PCDH10: variants seen among roughly 807,000 people sequenced by gnomAD.
PCDH10 encodes protocadherin-10.
In PCDH10, 15 loss-of-function variants were observed where a neutral mutation model predicts 74.4. That is an observed-to-expected ratio of 0.20 (90% confidence interval 0.13 to 0.31). PCDH10 has a LOEUF of 0.31. Ranked by LOEUF, PCDH10 falls within the 10% of genes least tolerant of loss-of-function variation. The pLI, the probability that PCDH10 is intolerant of heterozygous loss-of-function variation, is 1.00. For synonymous variants in PCDH10, 619 were observed against 589.8 expected (o/e 1.05, Z -0.72); for missense variants, 1,260 against 1,390.2 (o/e 0.91, Z 1.49).
At chr4:133,195,191 T>C (rs1727770599), downstream of PCDH10, among the ~76,000 whole-genome samples, 1 of 152,122 alleles carries the variant, frequency 6.6e-6, no homozygotes, top group African/African-American at 2.4e-5. Context: ...TAAGTCTGAA[T>C]TAACTACAAG....
chr4:133,193,271 T>C lies in PCDH10; in HGVS notation c.*3111T>C, dbSNP rs1397441683. The C allele has an allele frequency of 6.6e-6, 1 of 151,720 alleles. No individual in the cohort carries two copies. Among genetic ancestry groups the C allele is most frequent in the Admixed American group, 6.6e-5 (1 of 15,198 alleles). The allele number at this position is 151,720 out of a possible 1,614,324, so 9.4% of individuals were successfully genotyped here. On this transcript the variant is annotated 3_prime_UTR_variant, in exon 5 of 5. Transcript: ENST00000264360. ...CACAGATATAATAGCGTCAATGATA[T>C]ATGTATCATCTTTTCTTGGCAAATA...
intron 4 of PCDH10, among the ~76,000 whole-genome samples, chr4:133,179,985 A>C (rs1461508154): frequency 6.6e-6 from 1 of 152,058 alleles, no homozygotes; most frequent in African/African-American, 2.4e-5. Flanking sequence ...CTAAAACCAC[A>C]AAAAATCTTA....
intron 4 of PCDH10, among the ~76,000 whole-genome samples, chr4:133,181,936 G>A (rs1727426859): frequency 6.6e-6 from 1 of 152,050 alleles, no homozygotes; most frequent in African/African-American, 2.4e-5. Context: ...AATCTGTTGG[G>A]TTGTGGTTAA....
At chr4:133,184,204 AC>A (rs1727479825) in intron 4 of PCDH10, among the ~76,000 whole-genome samples, 1 of 152,056 alleles carries the variant, frequency 6.6e-6, no homozygotes, top group Non-Finnish European at 1.5e-5. Flanking sequence ...CCTGTTTTCC[AC>A]CTATGTTCTA....
In PCDH10 at chr4:133,151,703, G is replaced by C. The variant is rs769667444; in HGVS notation, c.1563G>C (p.Glu521Asp). 1.2e-6 allele frequency: 2 copies of C among 1,613,250 alleles called. No homozygotes were observed. The highest frequency in any genetic ancestry group is 1.7e-6 in the Non-Finnish European group (2 of 1,180,060). ...TCACCTACGTTTCTATCAACTCTGA[G>C]AACGGCTACTTGTACGCCCTGCGCT... ...SVFTYVSINS[E>D]NGYLYALRSF... is the part of the protein sequence containing the mutation. Residue 521 changes from glutamate to aspartate, a missense_variant, in exon 1 of 5, where the codon GAG (glutamate) becomes GAC (aspartate). Coordinates refer to ENST00000264360, the MANE Select transcript of PCDH10 (RefSeq NM_032961.3).
At chr4:133,169,640 A>G (rs1422668730) in intron 4 of PCDH10, among the ~76,000 whole-genome samples, 4 of 151,918 alleles carry the variant, frequency 2.6e-5, no homozygotes, top group Admixed American at 2.6e-4. Context: ...TATAAATAGA[A>G]TTATTCAATG....
rs1387550174 is a variant in PCDH10, at chr4:133,152,858, G to T, written c.2631+87G>T. 3 of 1,559,762 alleles carry T rather than the reference G, an allele frequency of 1.9e-6. No individual in the cohort carries two copies. In the East Asian group the frequency reaches 6.8e-5, roughly 35 times the overall value. The stretch of plus-strand genomic sequence containing the variant: ...CCGGCCCTTGTATCTCTGGTGCACT[G>T]TATCTATTTTTAGGATATTAGCTTA... On this transcript the variant is annotated intron_variant, in intron 1 of 4. Coordinates refer to ENST00000264360, the MANE Select transcript of PCDH10 (RefSeq NM_032961.3).
In PCDH10 at chr4:133,152,434, G is replaced by C; in HGVS notation, c.2294G>C (p.Gly765Ala). The C allele has an allele frequency of 6.2e-7, 1 of 1,614,156 alleles. No individual in the cohort carries two copies. The highest frequency in any genetic ancestry group is 1.1e-5 in the South Asian group (1 of 91,082). Residue 765 changes from glycine to alanine, a missense_variant, in exon 1 of 5, where the codon GGC (glycine) becomes GCC (alanine). By Grantham distance (60) the Gly-to-Ala change is moderately conservative. Around this residue, in one of 11 missense-constraint regions of PCDH10, gnomAD observed 587 missense variants for 616.9 expected, o/e 0.95. Transcript: ENST00000264360. ...DCCLCCCCCG[G>A]GGSTCCGRQA... The stretch of plus-strand genomic sequence containing the variant: ...TGCCTCTGCTGCTGCTGCTGCGGTG[G>C]CGGAGGTTCGACCTGCTGTGGCCGC...
At chr4:133,208,310 T>G (rs1405159935) in exon 3 of PCDH10, 1 of 152,224 alleles carries the variant, frequency 6.6e-6, no homozygotes, top group Non-Finnish European at 1.5e-5. Context: ...ATTTGTGGTT[T>G]TATGTTGTGA....
downstream of PCDH10, among the ~76,000 whole-genome samples, chr4:133,198,520 C>T (rs190930820): frequency 1.3e-5 from 2 of 152,244 alleles, no homozygotes; most frequent in Admixed American, 1.3e-4. Context: ...TTGAATGCCT[C>T]CATAGATGCT....
intron 4 of PCDH10, among the ~76,000 whole-genome samples, chr4:133,181,330 A>T (rs1727411841): frequency 6.6e-6 from 1 of 151,980 alleles, no homozygotes; most frequent in African/African-American, 2.4e-5. Flanking sequence ...ATTTTAAATT[A>T]TTTTGATGGA....
chr4:133,164,030 A>G, intron 4 of PCDH10: 1 of 456,116 alleles, frequency 2.2e-6, no homozygotes, highest in Non-Finnish European at 4.4e-6. Flanking sequence ...ATGGTCTTTT[A>G]TTAGATGCAT....
intron 4 of PCDH10, among the ~76,000 whole-genome samples, chr4:133,165,047 T>A (rs551821073): frequency 6.8e-6 from 1 of 147,808 alleles, no homozygotes; most frequent in African/African-American, 2.5e-5. Context: ...CATTCCAACA[T>A]ATATTCATAT....
chr4:133,171,008 A>T, intron 4 of PCDH10, among the ~76,000 whole-genome samples: 1 of 150,606 alleles, frequency 6.6e-6, no homozygotes. Flanking sequence ...TTGATTGTTA[A>T]GTTTACAGTG....
chr4:133,154,109 A>G (rs951422627), intron 1 of PCDH10, among the ~76,000 whole-genome samples, 198 bp from the exon 2 acceptor site: 4 of 152,166 alleles, frequency 2.6e-5, no homozygotes, highest in Non-Finnish European at 5.9e-5. Flanking sequence ...ACAAGTGACT[A>G]AAATGTGGAT....
In PCDH10 at chr4:133,150,396, A is replaced by C. The variant is rs1726634369; in HGVS notation, c.256A>C (p.Lys86Gln). The change falls in exon 1 of 5, where the codon AAA (lysine) becomes CAA (glutamine). Residue 86 changes from lysine to glutamine, a missense_variant. This residue lies in a region of PCDH10 where 63 missense variants were observed against 100.7 expected (regional missense o/e 0.63). Transcript: ENST00000264360. ...GAAAATAGACCGCGAACAAATCTGCAAACAGAGCCCCTCCTGTGTCCTGCA... is the reference window on the plus strand; with the variant it reads ...GAAAATAGACCGCGAACAAATCTGCCAACAGAGCCCCTCCTGTGTCCTGCA... Reference protein sequence around the residue: ...NEKIDREQICKQSPSCVLHLE... With the variant: ...NEKIDREQICQQSPSCVLHLE... The C allele has an allele frequency of 2.5e-6, 4 of 1,614,020 alleles. No individual in the cohort carries two copies. Among genetic ancestry groups the C allele is most frequent in the African/African-American group, 1.3e-5 (1 of 75,012 alleles).
chr4:133,204,897 G>A (rs944027664), intron 2 of PCDH10, among the ~76,000 whole-genome samples: 1 of 152,182 alleles, frequency 6.6e-6, no homozygotes. Context: ...ATTCTGCACA[G>A]GACCACTTGG....
chr4:133,154,303 C>T lies in PCDH10; in HGVS notation c.2632-4C>T. 1 of 1,601,936 alleles carries T rather than the reference C, an allele frequency of 6.2e-7. No homozygotes were observed. Among genetic ancestry groups the T allele is most frequent in the Non-Finnish European group, 8.5e-7 (1 of 1,172,172 alleles). ...TGCTCTTGATTTATTTATTTTTTTCCTAGACTAAACACCAGCGAGCAGAGC... is the reference window on the plus strand; with the variant it reads ...TGCTCTTGATTTATTTATTTTTTTCTTAGACTAAACACCAGCGAGCAGAGC... On this transcript the variant is annotated splice_polypyrimidine_tract_variant and splice_region_variant and intron_variant, in intron 1 of 4. Transcript: ENST00000264360.
Position 133,186,941 on chromosome 4 carries a change from C to T in PCDH10, c.3104-3200C>T, listed in dbSNP as rs143955837. On this transcript the variant is annotated intron_variant, in intron 4 of 4. Coordinates refer to ENST00000264360, the MANE Select transcript of PCDH10 (RefSeq NM_032961.3). ...ACATGTTTGTCAGGCTGGTCTCAAA[C>T]TCCTGGGCTCAAGTGATCCGCTCGC... Among the ~76,000 whole-genome samples the T allele has an allele frequency of 5.3e-3, 800 of 152,206 alleles. 9 individuals carry two copies. Among genetic ancestry groups the T allele is most frequent in the African/African-American group, 0.018 (766 of 41,538 alleles).
Sources: allele counts gnomAD v4.1 joint callset (sites outside exome capture counted in the v4.1 genomes callset), GRCh38; gene constraint gnomAD v4.1.1; regional missense constraint gnomAD v4.1.1; transcripts MANE v1.5; gene names NCBI Gene and HGNC (gene_info 2026-07-23, HGNC 2026-07-21).